The following DPP10 variants were observed in gnomAD, a reference collection of about 807,000 sequenced individuals.
The protein encoded by DPP10 is dipeptidyl peptidase like 10, also known as inactive dipeptidyl peptidase 10.
A neutral mutation model predicts 120.9 loss-of-function variants in DPP10; 33 were observed. That is an observed-to-expected ratio of 0.27 (90% CI 0.21 to 0.37). The LOEUF is 0.37. Ranked by LOEUF, DPP10 falls within the 10% of genes least tolerant of loss-of-function variation. The pLI, the probability that DPP10 is intolerant of heterozygous loss-of-function variation, is 1.00. For missense variants in DPP10, 816 were observed against 942.8 expected, an observed-to-expected ratio of 0.87 and a Z score of 1.76; for synonymous variants, 337 against 326.1, an observed-to-expected ratio of 1.03 and a Z score of -0.36.
intron 5 of DPP10, among the ~76,000 whole-genome samples, chr2:115,613,055 G>T (rs571806542): frequency 5.3e-5 from 8 of 152,136 alleles, no homozygotes; most frequent in Non-Finnish European, 1.0e-4. Context: ...ACTGCTGAGA[G>T]AATACATATT....
rs143409720 is a variant in DPP10 at position 114,962,906 on chromosome 2, T to C, written c.61-346333T>C. Among the ~76,000 whole-genome samples, 230 of 152,306 alleles carry C rather than the reference T, an allele frequency of 1.5e-3. 1 individual carries two copies. Among genetic ancestry groups the C allele is most frequent in the African/African-American group, 4.9e-3 (205 of 41,562 alleles). On this transcript the variant is annotated intron_variant, in intron 1 of 25. Transcript: ENST00000410059. The stretch of plus-strand genomic sequence containing the variant: ...CAGTATATTCCTATAACTTGTAAAA[T>C]CTTTAATGTAAGATTTATATTATCT...
intron 1 of DPP10, among the ~76,000 whole-genome samples, chr2:114,707,555 T>G (rs1180935167): frequency 6.6e-6 from 1 of 152,282 alleles, no homozygotes; most frequent in African/African-American, 2.4e-5. Context: ...AGGCCATTGG[T>G]TTCATGGAAA....
intron 1 of DPP10, among the ~76,000 whole-genome samples, chr2:114,926,664 T>C (rs981375185): frequency 8.5e-5 from 13 of 152,092 alleles, no homozygotes; most frequent in African/African-American, 2.7e-4. Context: ...GGTCCATGTG[T>C]TCTCCTGCCT....
intron 3 of DPP10, among the ~76,000 whole-genome samples, chr2:115,456,101 G>T (rs531078889): frequency 4.3e-4 from 66 of 151,766 alleles, no homozygotes; most frequent in Non-Finnish European, 8.5e-4. Flanking sequence ...AATCTACAAA[G>T]AACTTAAATT....
intron 1 of DPP10, among the ~76,000 whole-genome samples, chr2:114,494,344 C>T (rs1363307971): frequency 6.6e-6 from 1 of 152,058 alleles, no homozygotes; most frequent in East Asian, 1.9e-4. Flanking sequence ...TAGAGCAGAG[C>T]CTTTTACATA....
intron 5 of DPP10, among the ~76,000 whole-genome samples, chr2:115,674,289 G>A (rs2090114013): frequency 6.6e-6 from 1 of 150,752 alleles, no homozygotes; most frequent in Non-Finnish European, 1.5e-5. Context: ...GGAAAATTTG[G>A]AGTCATAAAA....
chr2:114,785,539 A>G (rs534040102), intron 1 of DPP10, among the ~76,000 whole-genome samples: 108 of 152,328 alleles, frequency 7.1e-4, no homozygotes, highest in African/African-American at 2.4e-3. Context: ...GTGCAAAAAG[A>G]CACAAACAGT....
intron 1 of DPP10, among the ~76,000 whole-genome samples, chr2:114,498,729 G>A (rs1016529814): frequency 1.3e-5 from 2 of 152,170 alleles, no homozygotes; most frequent in African/African-American, 2.4e-5. Flanking sequence ...GTCCATTCAG[G>A]AGGGTAGAGC....
intron 1 of DPP10, among the ~76,000 whole-genome samples, chr2:114,635,533 T>A (rs1268747023): frequency 6.6e-6 from 1 of 151,974 alleles, no homozygotes; most frequent in Admixed American, 6.5e-5. Flanking sequence ...TAGTGACCGC[T>A]TTTCTGAAGA....
chr2:115,166,395 AGAT>A (rs2052849176), intron 1 of DPP10, among the ~76,000 whole-genome samples: 1 of 150,458 alleles, frequency 6.6e-6, no homozygotes, highest in African/African-American at 2.4e-5. Flanking sequence ...TGGTTATAAA[AGAT>A]AATATACATT....
intron 5 of DPP10, among the ~76,000 whole-genome samples, chr2:115,589,080 G>A (rs556936237): frequency 2.6e-4 from 40 of 152,224 alleles, no homozygotes; most frequent in African/African-American, 8.4e-4. Context: ...ACCAGTGTTC[G>A]TTTTATGCCT....
At chr2:114,576,680 G>A (rs923774899) in intron 1 of DPP10, among the ~76,000 whole-genome samples, 1 of 152,134 alleles carries the variant, frequency 6.6e-6, no homozygotes, top group Admixed American at 6.5e-5. Flanking sequence ...CTAGCCCACA[G>A]GACTGTGACT....
At chr2:115,697,145 A>T (rs1337784760) in intron 7 of DPP10, among the ~76,000 whole-genome samples, 1 of 152,174 alleles carries the variant, frequency 6.6e-6, no homozygotes, top group African/African-American at 2.4e-5. Context: ...AACTCAAATA[A>T]GACAGTAATG....
intron 21 of DPP10, among the ~76,000 whole-genome samples, chr2:115,827,410 G>GTATATA (rs1477286267): frequency 5.1e-5 from 5 of 97,252 alleles, no homozygotes; most frequent in Non-Finnish European, 8.4e-5. Context: ...GTGTATGTGT[G>GTATATA]TGTGTATATA....
intron 1 of DPP10, among the ~76,000 whole-genome samples, chr2:115,284,101 A>G (rs775595191): frequency 1.3e-5 from 2 of 152,024 alleles, no homozygotes; most frequent in Non-Finnish European, 2.9e-5. Context: ...CAAACAAATT[A>G]GCTATCAATT....
At chr2:114,729,055 G>A (rs773396441) in intron 1 of DPP10, among the ~76,000 whole-genome samples, 7 of 152,198 alleles carry the variant, frequency 4.6e-5, no homozygotes, top group Non-Finnish European at 8.8e-5. Context: ...AATGCTGAGC[G>A]GCTGTGATTA....
At chr2:115,282,863 C>T (rs1012477591) in intron 1 of DPP10, among the ~76,000 whole-genome samples, 6 of 152,020 alleles carry the variant, frequency 3.9e-5, no homozygotes, top group East Asian at 3.9e-4. Context: ...CCTTAATTTC[C>T]GGTTTGAATA....
intron 1 of DPP10, among the ~76,000 whole-genome samples, chr2:114,610,585 C>T (rs182549386): frequency 6.6e-6 from 1 of 152,120 alleles, no homozygotes; most frequent in East Asian, 1.9e-4. Flanking sequence ...CTTTAAGTAG[C>T]AGAATTGGAA....
At chr2:115,188,115 A>G (rs575000043) in intron 1 of DPP10, among the ~76,000 whole-genome samples, 1 of 152,124 alleles carries the variant, frequency 6.6e-6, no homozygotes, top group East Asian at 1.9e-4. Flanking sequence ...AAATCTCAGG[A>G]GAGAAGTAAG....
Sources: allele counts gnomAD v4.1 joint callset (sites outside exome capture counted in the v4.1 genomes callset), GRCh38; gene constraint gnomAD v4.1.1; transcripts MANE v1.5; gene names NCBI Gene and HGNC (gene_info 2026-07-23, HGNC 2026-07-21).